The following LRRC9 variants were observed in gnomAD, a reference collection of about 807,000 sequenced individuals.
LRRC9 encodes leucine-rich repeat-containing protein 9.
In LRRC9, 122 loss-of-function variants were observed where a neutral mutation model predicts 63.2. That is an observed-to-expected ratio of 1.93 (90% confidence interval 1.67 to 2.24). The LOEUF is 2.24. LRRC9 is among the 30% of genes most tolerant of loss of function. The probability of loss-of-function intolerance (pLI) is 0.00; values close to 1 mark genes in which losing one functional copy is unlikely to be tolerated. For synonymous variants in LRRC9, 366 were observed against 213.1 expected (o/e 1.72, Z -6.25); for missense variants, 1,071 against 627.7 (o/e 1.71, Z -7.55).
At chr14:60,008,728 A>G (rs1238889824) in intron 23 of LRRC9, among the ~76,000 whole-genome samples, 2 of 152,222 alleles carry the variant, frequency 1.3e-5, no homozygotes, top group Non-Finnish European at 2.9e-5. Context: ...GCAAATTCAT[A>G]GGGCTCCTGT....
chr14:59,968,875 C>T (rs1885155382), intron 12 of LRRC9, among the ~76,000 whole-genome samples: 1 of 152,102 alleles, frequency 6.6e-6, no homozygotes, highest in African/African-American at 2.4e-5. Context: ...GAGTAGCCAC[C>T]ACCCACATGT....
chr14:60,036,865 G>A (rs980339909), intron 29 of LRRC9, among the ~76,000 whole-genome samples: 4 of 151,910 alleles, frequency 2.6e-5, no homozygotes, highest in East Asian at 3.9e-4. Context: ...TGCTGCACCC[G>A]TTAACTTGTC....
intron 28 of LRRC9, among the ~76,000 whole-genome samples, chr14:60,029,091 T>G (rs1891784286): frequency 6.6e-6 from 1 of 152,144 alleles, no homozygotes; most frequent in Non-Finnish European, 1.5e-5. Flanking sequence ...CTGCCAAAAC[T>G]GGGGATGATT....
intron 17 of LRRC9, among the ~76,000 whole-genome samples, chr14:59,992,275 C>T (rs1452731856): frequency 6.6e-6 from 1 of 152,120 alleles, no homozygotes; most frequent in Non-Finnish European, 1.5e-5. Context: ...GGAAAACTAA[C>T]AAACAGAAAG....
intron 26 of LRRC9, among the ~76,000 whole-genome samples, chr14:60,022,423 T>A (rs2140292754): frequency 6.6e-6 from 1 of 151,940 alleles, no homozygotes; most frequent in South Asian, 2.1e-4. Context: ...TACAGGATCA[T>A]GTCATCTGAA....
intron 7 of LRRC9, among the ~76,000 whole-genome samples, chr14:59,939,322 AG>A (rs1418382013): frequency 6.6e-6 from 1 of 152,028 alleles, no homozygotes; most frequent in African/African-American, 2.4e-5. Flanking sequence ...AGATGAAGAC[AG>A]GAGTGGTAGA....
chr14:60,048,783 T>C (rs974703392), intron 29 of LRRC9, among the ~76,000 whole-genome samples: 2 of 152,218 alleles, frequency 1.3e-5, no homozygotes, highest in African/African-American at 4.8e-5. Context: ...CCCTAACTCA[T>C]TTTATGAGGC....
chr14:60,059,048 A>AT (rs1287781785), intron 31 of LRRC9: 1 of 152,098 alleles, frequency 6.6e-6, no homozygotes, highest in African/African-American at 2.4e-5. Context: ...ATCTTTTTAT[A>AT]TTTTTTTATT....
chr14:60,034,465 TA>T (rs1892264868), intron 29 of LRRC9, among the ~76,000 whole-genome samples: 1 of 152,166 alleles, frequency 6.6e-6, no homozygotes, highest in African/African-American at 2.4e-5. Context: ...AATATATTTA[TA>T]TTCTTTATTA....
chr14:60,016,077 T>C (rs1444089327), intron 23 of LRRC9, among the ~76,000 whole-genome samples: 1 of 152,194 alleles, frequency 6.6e-6, no homozygotes, highest in East Asian at 1.9e-4. Flanking sequence ...CTAGCTTCTC[T>C]AACACCCAGT....
intron 6 of LRRC9, among the ~76,000 whole-genome samples, chr14:59,934,056 TAGA>T (rs1398672350): frequency 6.6e-6 from 1 of 151,026 alleles, no homozygotes; most frequent in Non-Finnish European, 1.5e-5. Flanking sequence ...TTGGAACAGC[TAGA>T]AGAAGAAAAC....
chr14:59,929,401 AT>A (rs1454867170), intron 3 of LRRC9, among the ~76,000 whole-genome samples: 2 of 135,636 alleles, frequency 1.5e-5, no homozygotes, highest in African/African-American at 5.7e-5. Flanking sequence ...CAGAATGGCT[AT>A]TATTAAAAAG....
At chr14:60,049,276 T>G (rs1260432838) in intron 29 of LRRC9, among the ~76,000 whole-genome samples, 2 of 152,204 alleles carry the variant, frequency 1.3e-5, no homozygotes, top group Non-Finnish European at 2.9e-5. Flanking sequence ...TATTGTTATG[T>G]GTGAATTTGA....
rs747093942 is a variant in LRRC9 at position 59,958,500 on chromosome 14, G to A, written c.883-1318G>A. On this transcript the variant is annotated intron_variant, in intron 8 of 31. Coordinates refer to ENST00000445360, the Ensembl canonical transcript of LRRC9. The surrounding 1 kb of genome is among the most constrained non-coding windows in gnomAD (Gnocchi z 4.0). ...CAACCAAGCTCAATCGACCCAGGTCGACTTCAGACTGCTGTGCTGGCAGCG... is the reference window on the plus strand; with the variant it reads ...CAACCAAGCTCAATCGACCCAGGTCAACTTCAGACTGCTGTGCTGGCAGCG... Among the ~76,000 whole-genome samples the A allele has an allele frequency of 1.4e-4, 22 of 152,178 alleles. No homozygotes were observed. The highest frequency in any genetic ancestry group is 6.2e-4 in the South Asian group (3 of 4,824).
chr14:59,957,475 C>T, intron 8 of LRRC9, among the ~76,000 whole-genome samples: 1 of 152,048 alleles, frequency 6.6e-6, no homozygotes, highest in East Asian at 1.9e-4. Context: ...TTTTCAGCTC[C>T]ATCAGGTCAT....
intron 15 of LRRC9, among the ~76,000 whole-genome samples, chr14:59,981,575 T>C (rs905141873): frequency 6.6e-6 from 1 of 152,260 alleles, no homozygotes; most frequent in Admixed American, 6.5e-5. Flanking sequence ...TGTCACAATT[T>C]CTAGGCTTTT....
In LRRC9 at chr14:59,974,568, C is replaced by A; in HGVS notation, c.1507-8C>A. 1 of 637,820 alleles carries A rather than the reference C, an allele frequency of 1.6e-6. No individual in the cohort carries two copies. The highest frequency in any genetic ancestry group is 2.8e-6 in the Non-Finnish European group (1 of 357,760). 39.5% of individuals were successfully genotyped at this position (637,820 alleles called of 1,614,324 possible). On this transcript the variant is annotated splice_region_variant and splice_polypyrimidine_tract_variant and intron_variant, in intron 12 of 31. Coordinates refer to ENST00000445360, the Ensembl canonical transcript of LRRC9. ...TAAAAATACTCAGACTTTGTTTTTT[C>A]TTTGCAGCTGCCTCTCAAAAAAGAA...
At chr14:60,032,481 T>C (rs1253803024) in intron 29 of LRRC9, among the ~76,000 whole-genome samples, 2 of 148,926 alleles carry the variant, frequency 1.3e-5, no homozygotes, top group Non-Finnish European at 3.1e-5. Context: ...TTTTAGGAAC[T>C]AACTCCTCAA....
intron 1 of LRRC9, among the ~76,000 whole-genome samples, chr14:59,925,336 G>C (rs1889122402): frequency 6.6e-6 from 1 of 152,144 alleles, no homozygotes; most frequent in African/African-American, 2.4e-5. Flanking sequence ...ATCAGCATCT[G>C]GTGTCTGCTT....
Sources: gnomAD v4.1 joint callset for allele counts (sites outside exome capture counted in the v4.1 genomes callset) on GRCh38, gnomAD v4.1.1 for gene constraint, Gnocchi (gnomAD v3.1) non-coding constraint, MANE v1.5 for transcripts, NCBI Gene and HGNC (gene_info 2026-07-23, HGNC 2026-07-21) for gene names.